Variants in MPPED1 observed in about 807,000 individuals in gnomAD.
MPPED1 encodes the protein metallophosphoesterase domain containing 1.
MPPED1 carries 16 observed loss-of-function variants against 36.2 expected under a neutral mutation model. The observed-to-expected ratio is 0.44, with a 90% confidence interval of 0.30 to 0.67. MPPED1 has a LOEUF of 0.67. MPPED1 is among the 30% of genes least tolerant of loss of function. The probability of loss-of-function intolerance (pLI) is 0.10; values close to 1 mark genes in which losing one functional copy is unlikely to be tolerated. For missense variants in MPPED1, 307 were observed against 453.4 expected (o/e 0.68, Z 2.93); for synonymous variants, 199 against 191.3 (o/e 1.04, Z -0.33).
chr22:43,418,636 G>C (rs1398993902), intron 1 of MPPED1: 1 of 163,810 alleles, frequency 6.1e-6, no homozygotes, highest in East Asian at 1.8e-4. Flanking sequence ...TGGCTGGTTC[G>C]CCGGGTCTGA....
At chr22:43,427,921 A>G (rs1416867559) in intron 2 of MPPED1, among the ~76,000 whole-genome samples, 1 of 152,132 alleles carries the variant, frequency 6.6e-6, no homozygotes, top group Non-Finnish European at 1.5e-5. Flanking sequence ...CAAGGGGTGA[A>G]AACTGGTTCT....
At chr22:43,499,684 T>C (rs1419490449) in intron 5 of MPPED1, among the ~76,000 whole-genome samples, 1 of 129,330 alleles carries the variant, frequency 7.7e-6, no homozygotes, top group Non-Finnish European at 1.6e-5. Context: ...GTGATGGTGG[T>C]GATGGTGGTG....
chr22:43,416,894 C>T (rs1929094173), intron 1 of MPPED1: 4 of 733,704 alleles, frequency 5.5e-6, no homozygotes, highest in Middle Eastern at 1.4e-3. Flanking sequence ...GGGGCTCGTT[C>T]TGTGCAATGG....
chr22:43,460,262 A>C (rs982243157), intron 3 of MPPED1, among the ~76,000 whole-genome samples: 1 of 122,498 alleles, frequency 8.2e-6, no homozygotes, highest in Admixed American at 8.4e-5. Context: ...AACAAACCCA[A>C]ACCCCCCCCC....
At chr22:43,453,805 A>T (rs1471331213) in intron 3 of MPPED1, among the ~76,000 whole-genome samples, 1 of 152,116 alleles carries the variant, frequency 6.6e-6, no homozygotes, top group African/African-American at 2.4e-5. Flanking sequence ...TATACATGAC[A>T]TTGATCATTT....
intron 4 of MPPED1, among the ~76,000 whole-genome samples, chr22:43,491,713 T>C (rs1194804763): frequency 4.8e-5 from 7 of 146,758 alleles, no homozygotes; most frequent in African/African-American, 1.8e-4. Context: ...ATGGAGGTGG[T>C]GGTGATAAAG....
chr22:43,472,375 ATCT>A (rs2146882160), intron 3 of MPPED1, among the ~76,000 whole-genome samples: 1 of 152,278 alleles, frequency 6.6e-6, no homozygotes, highest in South Asian at 2.1e-4. Context: ...TCCATTGATT[ATCT>A]TCTATAATAT....
At chr22:43,424,656 C>T (rs867460493) in intron 1 of MPPED1, among the ~76,000 whole-genome samples, 1 of 151,596 alleles carries the variant, frequency 6.6e-6, no homozygotes, top group Non-Finnish European at 1.5e-5. Context: ...TGCATGCATC[C>T]GTCCACAGTG....
intron 4 of MPPED1, among the ~76,000 whole-genome samples, chr22:43,479,265 C>G (rs767188570): frequency 6.6e-6 from 1 of 152,208 alleles, no homozygotes; most frequent in African/African-American, 2.4e-5. Context: ...TTGGCTACCA[C>G]GTGGACTGCA....
At chr22:43,454,626 C>T (rs1413065800) in intron 3 of MPPED1, among the ~76,000 whole-genome samples, 1 of 152,170 alleles carries the variant, frequency 6.6e-6, no homozygotes, top group Non-Finnish European at 1.5e-5. Context: ...TCATGGTTCA[C>T]TGCAGCCTTA....
chr22:43,450,326 T>C (rs1930519800), intron 3 of MPPED1, among the ~76,000 whole-genome samples: 1 of 152,142 alleles, frequency 6.6e-6, no homozygotes, highest in Non-Finnish European at 1.5e-5. Flanking sequence ...CCTGAGAAGG[T>C]CATCACTCCC....
intron 3 of MPPED1, among the ~76,000 whole-genome samples, chr22:43,473,958 G>A (rs977730569): frequency 1.3e-5 from 2 of 152,228 alleles, no homozygotes; most frequent in Admixed American, 1.3e-4. Context: ...TGACACTATT[G>A]TAATTCAGTG....
At chr22:43,456,148 C>G (rs1479442730) in intron 3 of MPPED1, among the ~76,000 whole-genome samples, 2 of 152,204 alleles carry the variant, frequency 1.3e-5, no homozygotes, top group Non-Finnish European at 2.9e-5. Context: ...TTTCATGCTT[C>G]ATTGCCCCAG....
intron 2 of MPPED1, among the ~76,000 whole-genome samples, chr22:43,434,378 C>T (rs1427795338): frequency 6.6e-6 from 1 of 152,186 alleles, no homozygotes; most frequent in Non-Finnish European, 1.5e-5. Flanking sequence ...CTGAAACTCC[C>T]CCTCCCGTGC....
intron 3 of MPPED1, among the ~76,000 whole-genome samples, chr22:43,437,796 C>T (rs1380051066): frequency 6.6e-6 from 1 of 152,158 alleles, no homozygotes; most frequent in Admixed American, 6.5e-5. Context: ...TTATGATTGC[C>T]CCCATGAACT....
intron 1 of MPPED1, among the ~76,000 whole-genome samples, chr22:43,422,081 C>T (rs984956281): frequency 1.3e-5 from 2 of 152,118 alleles, no homozygotes; most frequent in Non-Finnish European, 2.9e-5. Flanking sequence ...CTTCCTGGGA[C>T]CCTGAAATGA....
chr22:43,499,361 A>G (rs1168902864), intron 5 of MPPED1, among the ~76,000 whole-genome samples: 4 of 76,554 alleles, frequency 5.2e-5, no homozygotes, highest in Admixed American at 3.3e-4. Flanking sequence ...ATGGTGATGG[A>G]GGTGGTGGTG....
chr22:43,412,469 C>A (rs1051269123), intron 1 of MPPED1, among the ~76,000 whole-genome samples: 1 of 152,106 alleles, frequency 6.6e-6, no homozygotes, highest in Non-Finnish European at 1.5e-5. Flanking sequence ...GTGGAAGCAG[C>A]GGGCTGGTGG....
At chr22:43,494,493 C>G (rs1019579416) in intron 4 of MPPED1, among the ~76,000 whole-genome samples, 1 of 152,186 alleles carries the variant, frequency 6.6e-6, no homozygotes, top group Non-Finnish European at 1.5e-5. Context: ...CACCTGGTGT[C>G]CTTCCCTCTG....
Sources: allele counts gnomAD v4.1 joint callset (sites outside exome capture counted in the v4.1 genomes callset), GRCh38; gene constraint gnomAD v4.1.1; transcripts MANE v1.5; gene names NCBI Gene and HGNC (gene_info 2026-07-23, HGNC 2026-07-21).